FAM83H: variants seen among roughly 807,000 people sequenced by gnomAD.
FAM83H encodes protein FAM83H.
In FAM83H, 24 loss-of-function variants were observed where a neutral mutation model predicts 30.2. The observed-to-expected ratio is 0.79, with a 90% CI of 0.57 to 1.12. FAM83H has a LOEUF of 1.12. FAM83H is among the 50% of genes most tolerant of loss of function. FAM83H has a pLI of 0.00. For missense variants in FAM83H, 2,038 were observed against 1,773.9 expected (o/e 1.15, Z -2.67); for synonymous variants, 1,013 against 821.7 (o/e 1.23, Z -3.98).
rs1818275437 is a variant in FAM83H, at chr8:143,726,031, C to T, written c.3430G>A (p.Glu1144Lys). Reference protein sequence around the residue: ...SRFEVFCKKEEASSPGAGEGP... With the variant: ...SRFEVFCKKEKASSPGAGEGP... The stretch of plus-strand genomic sequence containing the variant: ...TCCCCTGCCCCAGGGCTGCTGGCCT[C>T]CTCTTTCTTGCAGAAGACCTCGAAG... The change falls in exon 5 of 5, where the codon GAG becomes AAG. Residue 1144 changes from glutamate (E) to lysine (K), a missense_variant. Transcript: ENST00000388913. The T allele has an allele frequency of 1.9e-6, 3 of 1,612,696 alleles. No homozygotes were observed. Among genetic ancestry groups the T allele is most frequent in the Non-Finnish European group, 2.5e-6 (3 of 1,179,890 alleles).
chr8:143,726,497 T>G lies in FAM83H; in HGVS notation c.2964A>C (p.Pro988=). ...ERRMEDEGGF[P]VPQENGQPES... is the part of the protein sequence containing the mutation. Reference sequence around the variant, plus strand: ...CGGGTTGGCCGTTCTCCTGCGGCACTGGGAAGCCACCCTCATCCTCCATGC... The same window carrying G: ...CGGGTTGGCCGTTCTCCTGCGGCACGGGGAAGCCACCCTCATCCTCCATGC... Residue 988 remains proline, a synonymous_variant, in exon 5 of 5, where the codon CCA becomes CCC. Coordinates refer to ENST00000388913, the MANE Select transcript of FAM83H (RefSeq NM_198488.5). 2 of 1,605,938 alleles carry G rather than the reference T, an allele frequency of 1.2e-6. No homozygotes were observed. The highest frequency in any genetic ancestry group is 1.7e-6 in the Non-Finnish European group (2 of 1,179,516).
At position 143,727,634 on chromosome 8, in the gene FAM83H, G is replaced by A. The variant is rs13254035; in HGVS notation, c.1827C>T (p.Tyr609=). 1,501,141 of 1,580,832 alleles carry A rather than the reference G, an allele frequency of 0.95. 722,428 individuals carry two copies. Among genetic ancestry groups the A allele is most frequent in the East Asian group, 1 (43,721 of 43,730 alleles). ...GLPAPMEAEA[Y]EDDVLAPGGR... ...CCCCGGGAGCCAGCACGTCGTCTTC[G>A]TAAGCCTCCGCTTCCATGGGCGCCG... Residue 609 remains tyrosine (Y), a synonymous_variant, in exon 5 of 5, where the codon TAC becomes TAT. Coordinates refer to ENST00000388913, the MANE Select transcript of FAM83H (RefSeq NM_198488.5).
rs797023567 is a variant in FAM83H, at chr8:143,731,855, G to A, written c.-15-1258C>T. Reference sequence around the variant, plus strand: ...TCCCTGCGGGGGCCTGGCCTCTCCAGAAAGGTGTCAGATGGGGAGCGCCCA... The same window carrying A: ...TCCCTGCGGGGGCCTGGCCTCTCCAAAAAGGTGTCAGATGGGGAGCGCCCA... On this transcript the variant is annotated intron_variant, in intron 1 of 4. Transcript: ENST00000388913. 8 of 985,292 alleles carry A rather than the reference G, an allele frequency of 8.1e-6. No homozygotes were observed. The African/African-American group carries it at 1.4e-4, about 17-fold the overall frequency. The allele number at this position is 985,292 out of a possible 1,614,324, so 61.0% of individuals were successfully genotyped here.
chr8:143,724,095 G>A lies in FAM83H; in HGVS notation c.*1826C>T, dbSNP rs1429865278. The A allele has an allele frequency of 1.5e-4, 23 of 152,266 alleles. No individual in the cohort carries two copies. Among genetic ancestry groups the A allele is most frequent in the Admixed American group, 1.4e-3 (21 of 15,280 alleles). 9.4% of individuals were successfully genotyped at this position (152,266 alleles called of 1,614,324 possible). ...AGCCTGTCCGCTCAGCAACACCCCAGGCAGCACCAAGAATAACATGCCCAC... is the reference window on the plus strand; with the variant it reads ...AGCCTGTCCGCTCAGCAACACCCCAAGCAGCACCAAGAATAACATGCCCAC... On this transcript the variant is annotated 3_prime_UTR_variant, in exon 5 of 5. Transcript: ENST00000388913.
In FAM83H at chr8:143,725,485, A is replaced by C. The variant is rs923070806; in HGVS notation, c.*436T>G. On this transcript the variant is annotated 3_prime_UTR_variant, in exon 5 of 5. Coordinates refer to ENST00000388913, the MANE Select transcript of FAM83H (RefSeq NM_198488.5). ...GTAGCATACATCTGTAATCCCAGCT[A>C]CTCAGGAGGCTGAGGCAGGAGAATC... 3.6e-5 allele frequency: 8 copies of C among 220,570 alleles called. No homozygotes were observed. Among genetic ancestry groups the C allele is most frequent in the African/African-American group, 9.2e-5 (4 of 43,424 alleles). 13.7% of individuals were successfully genotyped at this position (220,570 alleles called of 1,614,324 possible).
chr8:143,726,946 G>GAGT lies in FAM83H; in HGVS notation c.2514_2515insACT (p.Ala838_Gln839insThr). The GAGT allele has an allele frequency of 6.2e-7, 1 of 1,610,886 alleles. No homozygotes were observed. Among genetic ancestry groups the GAGT allele is most frequent in the African/African-American group, 1.3e-5 (1 of 75,032 alleles). ...CCTTGCGGGGACGTTGAGTGGCTCT[G>GAGT]GGCAGAGAGGAAGCGGGAAGGCAGG... On this transcript the variant is annotated inframe_insertion, in exon 5 of 5. Transcript: ENST00000388913.
Position 143,733,348 on chromosome 8 carries a change from G to A in FAM83H, c.-16+343C>T, listed in dbSNP as rs55869852. ...ATGTCCCCAGGGAAGGGTCCAGGCC[G>A]TGCCCAGCACCCAGACTCCAGCTAG... On this transcript the variant is annotated intron_variant, in intron 1 of 4. Coordinates refer to ENST00000388913, the MANE Select transcript of FAM83H (RefSeq NM_198488.5). This position sits in a 1 kb window ranked among gnomAD's most constrained non-coding sequence, Gnocchi z 5.6. Among the ~76,000 whole-genome samples, 44,450 of 152,088 alleles carry A rather than the reference G, an allele frequency of 0.29. 7,022 individuals are homozygous for A. Among genetic ancestry groups the A allele is most frequent in the East Asian group, 0.48 (2,476 of 5,128 alleles).
chr8:143,725,845 T>G lies in FAM83H; in HGVS notation c.*76A>C, dbSNP rs538256996. The stretch of plus-strand genomic sequence containing the variant: ...CGCTGCTCAAGCAGATGAGCAGGGC[T>G]CTCTGTTCCGCGGGGCTTCTGGATG... On this transcript the variant is annotated 3_prime_UTR_variant, in exon 5 of 5. Coordinates refer to ENST00000388913, the MANE Select transcript of FAM83H (RefSeq NM_198488.5). 1 of 1,574,526 alleles carries G rather than the reference T, an allele frequency of 6.4e-7. No individual in the cohort carries two copies. The highest frequency in any genetic ancestry group is 1.3e-5 in the African/African-American group (1 of 74,448).
At position 143,728,976 on chromosome 8, in the gene FAM83H, C is replaced by T; in HGVS notation, c.728G>A (p.Gly243Glu). 6.2e-7 allele frequency: 1 copy of T among 1,613,648 alleles called. No individual in the cohort carries two copies. Among genetic ancestry groups the T allele is most frequent in the Non-Finnish European group, 8.5e-7 (1 of 1,179,982 alleles). ...AGCCCCGCGGGCGCACCTGTAGCTCCCACTCATCACCACGGCACAGTCCAC... is the reference window on the plus strand; with the variant it reads ...AGCCCCGCGGGCGCACCTGTAGCTCTCACTCATCACCACGGCACAGTCCAC... ...LLVDCAVVMS[G>E]SYSFMWSFEK... The change falls in exon 4 of 5, where the codon GGG (glycine) becomes GAG (glutamate). Residue 243 changes from glycine (G) to glutamate (E), a missense_variant. Transcript: ENST00000388913.
In FAM83H at chr8:143,732,804, C is replaced by T. The variant is rs189499149; in HGVS notation, c.-16+887G>A. ...ACACATTTGCCTACCAAACGTCTGC[C>T]CAAGGGAGGGAGGGCGCGGAACCCA... On this transcript the variant is annotated intron_variant, in intron 1 of 4. Coordinates refer to ENST00000388913, the MANE Select transcript of FAM83H (RefSeq NM_198488.5). 8.4e-4 allele frequency: 782 copies of T among 936,254 alleles called. 1 individual carries two copies. The highest frequency in any genetic ancestry group is 2.7e-3 in the Middle Eastern group (5 of 1,842). The allele number at this position is 936,254 out of a possible 1,614,324, so 58.0% of individuals were successfully genotyped here.
Position 143,730,393 on chromosome 8 carries a change from CAT to C in FAM83H, c.188_189del (p.His63ArgfsTer17), listed in dbSNP as rs1240345067. On this transcript the variant is annotated frameshift_variant, in exon 2 of 5. Coordinates refer to ENST00000388913, the MANE Select transcript of FAM83H (RefSeq NM_198488.5). LOFTEE classifies it high-confidence loss of function. ...TGCGGAGGCCGAAGGTGTCGGCTCA[CAT>C]GTTCCAGCTCTTCAGGGCACAGGAA... is the stretch of plus-strand genomic sequence containing the variant. ...PDFLCPEELEHVSRHLRPPQY... is the reference protein window; with the variant it reads ...PDFLCPEELEXVSRHLRPPQY... 1.9e-6 allele frequency: 3 copies of C among 1,613,314 alleles called. No homozygotes were observed. Among genetic ancestry groups the C allele is most frequent in the Admixed American group, 1.7e-5 (1 of 60,010 alleles).
At position 143,726,895 on chromosome 8, in the gene FAM83H, C is replaced by T. The variant is rs1468339261; in HGVS notation, c.2566G>A (p.Gly856Arg). The change falls in exon 5 of 5, where the codon GGG becomes AGG. Residue 856 changes from glycine to arginine, a missense_variant. Coordinates refer to ENST00000388913, the MANE Select transcript of FAM83H (RefSeq NM_198488.5). ...TGGAGCACCTGGTGCGCTCCGGACCCTTCCAGCGGCAGAGGGCTGTCCAGC... is the reference window on the plus strand; with the variant it reads ...TGGAGCACCTGGTGCGCTCCGGACCTTTCCAGCGGCAGAGGGCTGTCCAGC... The part of the protein sequence containing the change: ...QGLDSPLPLE[G>R]SGAHQVLHNE... 6.2e-7 allele frequency: 1 copy of T among 1,612,594 alleles called. No individual in the cohort carries two copies.
At chr8:143,728,768 G>A (rs1001142683) in intron 4 of FAM83H, 45 bp from the exon 5 acceptor site, 3 of 1,598,408 alleles carry the variant, frequency 1.9e-6, no homozygotes, top group Non-Finnish European at 2.5e-6. Context: ...TGGAGCGAGG[G>A]CACTGCAGCC....
rs535752010 is a variant in FAM83H at position 143,729,080 on chromosome 8, T to C, written c.624A>G (p.Val208=). 10 of 1,613,560 alleles carry C rather than the reference T, an allele frequency of 6.2e-6. No homozygotes were observed. The highest frequency in any genetic ancestry group is 4.0e-5 in the African/African-American group (3 of 74,912). The change falls in exon 4 of 5, where the codon GTA becomes GTG. Residue 208 remains valine (V), a synonymous_variant. Coordinates refer to ENST00000388913, the MANE Select transcript of FAM83H (RefSeq NM_198488.5). The part of the protein sequence containing the change: ...VNLQHVDFLR[V]RTVAGPTYYC... ...AGTAGGTGGGGCCCGCCACAGTCCG[T>C]ACGCGCAGGAACTGGGGAGGGAGGG...
Position 143,727,417 on chromosome 8 carries a change from G to A in FAM83H, c.2044C>T (p.Leu682=). 3 of 1,571,206 alleles carry A rather than the reference G, an allele frequency of 1.9e-6. No homozygotes were observed. The highest frequency in any genetic ancestry group is 2.6e-6 in the Non-Finnish European group (3 of 1,166,378). ...LNPLVQRSSR[L]RSSLIFSTSQ... is the part of the protein sequence containing the mutation. ...GTGCTGAAGATGAGCGAGGAGCGCAGCCTGGAGCTGCGCTGGACCAGGGGG... is the reference window on the plus strand; with the variant it reads ...GTGCTGAAGATGAGCGAGGAGCGCAACCTGGAGCTGCGCTGGACCAGGGGG... Residue 682 remains leucine, a synonymous_variant, in exon 5 of 5, where the codon CTG becomes TTG. Coordinates refer to ENST00000388913, the MANE Select transcript of FAM83H (RefSeq NM_198488.5).
In FAM83H at chr8:143,725,177, GAAGGAGGAGACCTTGAGA is replaced by G. The variant is rs1818242588; in HGVS notation, c.*726_*743del. 1 of 116,858 alleles carries G rather than the reference GAAGGAGGAGACCTTGAGA, an allele frequency of 8.6e-6. No individual in the cohort carries two copies. The highest frequency in any genetic ancestry group is 3.4e-5 in the African/African-American group (1 of 29,750). The allele number at this position is 116,858 out of a possible 1,614,324, so 7.2% of individuals were successfully genotyped here. A position where few individuals can be genotyped will look rare whatever the true frequency, so the allele number is the denominator to read the frequency against. ...GAGACGGGGGGGGGGGGGGGGGAGG[GAAGGAGGAGACCTTGAGA>G]GAGGGAGGGAGCGGGGAGGGGGGAG... On this transcript the variant is annotated 3_prime_UTR_variant, in exon 5 of 5. Coordinates refer to ENST00000388913, the MANE Select transcript of FAM83H (RefSeq NM_198488.5).
In FAM83H at chr8:143,728,699, G is replaced by A; in HGVS notation, c.762C>T (p.Ile254=). 6.2e-7 allele frequency: 1 copy of A among 1,600,408 alleles called. No individual in the cohort carries two copies. Among genetic ancestry groups the A allele is most frequent in the Non-Finnish European group, 8.5e-7 (1 of 1,179,884 alleles). The part of the protein sequence containing the change: ...SYSFMWSFEK[I]HRSLAHVFQG... The stretch of plus-strand genomic sequence containing the variant: ...GGAACACGTGCGCCAGGCTGCGGTG[G>A]ATCTTCTCAAAGGACCACATGAAGC... The change falls in exon 5 of 5, where the codon ATC becomes ATT. Residue 254 remains isoleucine (I), a synonymous_variant. Coordinates refer to ENST00000388913, the MANE Select transcript of FAM83H (RefSeq NM_198488.5).
rs7007656 is a variant in FAM83H at position 143,725,759 on chromosome 8, C to G, written c.*162G>C. On this transcript the variant is annotated 3_prime_UTR_variant, in exon 5 of 5. Transcript: ENST00000388913. ...CAGAGACGGCAGCTGCCAGGTGAGC[C>G]TCCAGTGGAGCCGAGGTCTGGCGCA... The G allele has an allele frequency of 3.3e-3, 4,219 of 1,280,166 alleles. 102 individuals carry two copies. In the African/African-American group the frequency reaches 0.055, roughly 17 times the overall value. 79.3% of individuals were successfully genotyped at this position (1,280,166 alleles called of 1,614,324 possible). A position where few individuals can be genotyped will look rare whatever the true frequency, so the allele number is the denominator to read the frequency against.
In FAM83H at chr8:143,724,083, A is replaced by G. The variant is rs1384716270; in HGVS notation, c.*1838T>C. ...CTCCAGCTGGAGAGCCTGTCCGCTC[A>G]GCAACACCCCAGGCAGCACCAAGAA... is the stretch of plus-strand genomic sequence containing the variant. On this transcript the variant is annotated 3_prime_UTR_variant, in exon 5 of 5. Coordinates refer to ENST00000388913, the MANE Select transcript of FAM83H (RefSeq NM_198488.5). The G allele has an allele frequency of 6.6e-6, 1 of 152,290 alleles. No homozygotes were observed. The highest frequency in any genetic ancestry group is 1.9e-4 in the East Asian group (1 of 5,206). 9.4% of individuals were successfully genotyped at this position (152,290 alleles called of 1,614,324 possible).
Sources: gnomAD v4.1 joint callset for allele counts (sites outside exome capture counted in the v4.1 genomes callset) on GRCh38, gnomAD v4.1.1 for gene constraint, Gnocchi (gnomAD v3.1) non-coding constraint, MANE v1.5 for transcripts, NCBI Gene and HGNC (gene_info 2026-07-23, HGNC 2026-07-21) for gene names.